The following MTNR1B variants were observed in gnomAD, a reference collection of about 807,000 sequenced individuals.
MTNR1B encodes melatonin receptor 1B.
A neutral mutation model predicts 7.0 loss-of-function variants in MTNR1B; 7 were observed. The ratio of observed to expected loss-of-function variants is 1.00; its 90% CI spans 0.57 to 1.88. The LOEUF (loss-of-function observed/expected upper bound fraction) is 1.88. Ranked by LOEUF, MTNR1B falls within the 40% of genes most tolerant of loss-of-function variation. The pLI, the probability that MTNR1B is intolerant of heterozygous loss-of-function variation, is 0.00. For missense variants in MTNR1B, 478 were observed against 486.5 expected (o/e 0.98, Z 0.16); for synonymous variants, 226 against 208.2 (o/e 1.09, Z -0.74).
intron 1 of MTNR1B, 56 bp from the exon 2 acceptor site, chr11:92,981,391 T>C: frequency 6.4e-7 from 1 of 1,560,420 alleles, no homozygotes; most frequent in Non-Finnish European, 8.7e-7. Flanking sequence ...TAGGATGTTC[T>C]ACAGAATCTA....
intron 1 of MTNR1B, among the ~76,000 whole-genome samples, chr11:92,980,084 C>A (rs984544003): frequency 1.6e-4 from 24 of 152,170 alleles, no homozygotes; most frequent in African/African-American, 5.6e-4. Context: ...CCCTCTAGAC[C>A]CCCAAAGCCA....
intron 1 of MTNR1B, among the ~76,000 whole-genome samples, chr11:92,974,399 T>C (rs1027389821): frequency 1.3e-5 from 2 of 152,236 alleles, no homozygotes; most frequent in Non-Finnish European, 2.9e-5. Context: ...TCCCCAGCCA[T>C]GTAGAACTGT....
intron 1 of MTNR1B, among the ~76,000 whole-genome samples, chr11:92,981,071 C>T (rs535400226): frequency 6.6e-5 from 10 of 152,230 alleles, no homozygotes; most frequent in Non-Finnish European, 1.0e-4. Context: ...TCTCCTCCTC[C>T]GAAATCTTTG....
chr11:92,977,953 G>C (rs1056871631), intron 1 of MTNR1B, among the ~76,000 whole-genome samples: 6 of 152,176 alleles, frequency 3.9e-5, no homozygotes, highest in Non-Finnish European at 5.9e-5. Flanking sequence ...TCTTCCCTAA[G>C]AGACCATAAA....
chr11:92,979,274 C>G (rs972100613), intron 1 of MTNR1B, among the ~76,000 whole-genome samples: 2 of 152,094 alleles, frequency 1.3e-5, no homozygotes, highest in Non-Finnish European at 2.9e-5. Context: ...TGAAGACAAG[C>G]AATGTGAGAG....
intron 1 of MTNR1B, among the ~76,000 whole-genome samples, chr11:92,980,554 C>A (rs1326174203): frequency 6.6e-6 from 1 of 152,156 alleles, no homozygotes; most frequent in Non-Finnish European, 1.5e-5. Context: ...TTAGAACATG[C>A]CTGAAGCATA....
intron 1 of MTNR1B, among the ~76,000 whole-genome samples, chr11:92,974,382 G>A (rs764775645): frequency 6.6e-6 from 1 of 152,184 alleles, no homozygotes; most frequent in South Asian, 2.1e-4. Flanking sequence ...ACCATGATTG[G>A]GAGGCTTCCC....
chr11:92,981,919 G>C lies in MTNR1B; in HGVS notation c.696G>C (p.Arg232Ser), dbSNP rs779551043. ...RIWVLVLQAR[R>S]KAKPESRLCL... ...GGGTGCTGGTGCTTCAGGCCCGCAG[G>C]AAAGCCAAGCCAGAGAGCAGGCTGT... The change falls in exon 2 of 2, where the codon AGG becomes AGC. Residue 232 changes from arginine to serine, a missense_variant. Coordinates refer to ENST00000257068, the MANE Select transcript of MTNR1B (RefSeq NM_005959.5). 8.1e-6 allele frequency: 13 copies of C among 1,614,106 alleles called. No homozygotes were observed. The highest frequency in any genetic ancestry group is 2.2e-5 in the East Asian group (1 of 44,890).
intron 1 of MTNR1B, among the ~76,000 whole-genome samples, chr11:92,971,395 CT>C (rs1400900813): frequency 2.0e-5 from 3 of 152,160 alleles, no homozygotes; most frequent in African/African-American, 2.4e-5. Flanking sequence ...TGGCTGTTTT[CT>C]GGAATACATT....
rs780963365 is a variant in MTNR1B, at chr11:92,969,684, G to A, written c.-42G>A. The stretch of plus-strand genomic sequence containing the variant: ...TACTGCGCGCGCCCTGCGGCTGTCC[G>A]GGGCCGCGCGGTGGCCAAAGCACAG... On this transcript the variant is annotated 5_prime_UTR_variant, in exon 1 of 2. Transcript: ENST00000257068. 2.9e-6 allele frequency: 4 copies of A among 1,395,732 alleles called. No homozygotes were observed. The highest frequency in any genetic ancestry group is 1.5e-5 in the African/African-American group (1 of 66,654). 86.5% of individuals were successfully genotyped at this position (1,395,732 alleles called of 1,614,324 possible). A position where few individuals can be genotyped will look rare whatever the true frequency, so the allele number is the denominator to read the frequency against.
intron 1 of MTNR1B, among the ~76,000 whole-genome samples, chr11:92,977,755 C>T (rs1022771806): frequency 1.3e-5 from 2 of 152,232 alleles, no homozygotes; most frequent in Non-Finnish European, 1.5e-5. Flanking sequence ...GGGGCCATGT[C>T]TTTCATCCAT....
downstream of MTNR1B, among the ~76,000 whole-genome samples, chr11:92,983,609 C>T (rs1227289430): frequency 6.6e-6 from 1 of 151,860 alleles, no homozygotes; most frequent in Non-Finnish European, 1.5e-5. Flanking sequence ...GAAAGGGCAG[C>T]TGCACCCCAA....
At position 92,975,346 on chromosome 11, in the gene MTNR1B, G is replaced by A. The variant is rs1424063539; in HGVS notation, c.223+5398G>A. Among the ~76,000 whole-genome samples, 5 of 152,288 alleles carry A rather than the reference G, an allele frequency of 3.3e-5. No individual in the cohort carries two copies. The East Asian group carries it at 9.7e-4, about 29-fold the overall frequency. The stretch of plus-strand genomic sequence containing the variant: ...AGGCTGTCTGGGAGGTTTAGTGAGT[G>A]CACGAATTGGCATTTCTGGGGTACG... On this transcript the variant is annotated intron_variant, in intron 1 of 1. Coordinates refer to ENST00000257068, the MANE Select transcript of MTNR1B (RefSeq NM_005959.5).
intron 1 of MTNR1B, among the ~76,000 whole-genome samples, chr11:92,977,141 G>A (rs998814415): frequency 1.1e-4 from 16 of 152,102 alleles, no homozygotes; most frequent in Non-Finnish European, 2.1e-4. Flanking sequence ...CTTCTTTTAA[G>A]TGGTTGAAAT....
chr11:92,972,898 T>C (rs1016422872), intron 1 of MTNR1B, among the ~76,000 whole-genome samples: 1 of 152,206 alleles, frequency 6.6e-6, no homozygotes, highest in Admixed American at 6.5e-5. Context: ...CAAAAGACTC[T>C]TTTCTTGACT....
Position 92,982,090 on chromosome 11 carries a change from A to G in MTNR1B, c.867A>G (p.Leu289=). 1 of 1,614,144 alleles carries G rather than the reference A, an allele frequency of 6.2e-7. No individual in the cohort carries two copies. Among genetic ancestry groups the G allele is most frequent in the Non-Finnish European group, 8.5e-7 (1 of 1,180,024 alleles). The change falls in exon 2 of 2, where the codon CTA becomes CTG. Residue 289 remains leucine, a synonymous_variant. Transcript: ENST00000257068. ...TGGCTCCCCAGATCCCTGAGGGGCTATTTGTCACTAGCTACTTACTGGCTT... is the reference window on the plus strand; with the variant it reads ...TGGCTCCCCAGATCCCTGAGGGGCTGTTTGTCACTAGCTACTTACTGGCTT... ...QEMAPQIPEG[L]FVTSYLLAYF...
downstream of MTNR1B, chr11:92,984,803 A>G (rs1273047208): frequency 1.6e-5 from 7 of 440,500 alleles, no homozygotes; most frequent in Admixed American, 1.6e-4. Flanking sequence ...TCTTGGATCC[A>G]TAGGTTTTTG....
Position 92,982,257 on chromosome 11 carries a change from T to G in MTNR1B, c.1034T>G (p.Leu345Arg). Residue 345 changes from leucine to arginine, a missense_variant, in exon 2 of 2, where the codon CTG (leucine) becomes CGG (arginine). By Grantham distance (102) the Leu-to-Arg change is moderately radical (BLOSUM62 -2). Transcript: ENST00000257068. ...DASKGSHAEG[L>R]QSPAPPIIGV... ...TCCAAGGGCAGCCACGCGGAGGGGC[T>G]GCAGAGCCCAGCTCCACCCATCATT... 2 of 1,614,170 alleles carry G rather than the reference T, an allele frequency of 1.2e-6. No individual in the cohort carries two copies. Among genetic ancestry groups the G allele is most frequent in the Non-Finnish European group, 1.7e-6 (2 of 1,180,014 alleles).
intron 1 of MTNR1B, among the ~76,000 whole-genome samples, chr11:92,975,693 C>T (rs1467056674): frequency 1.3e-5 from 2 of 152,172 alleles, no homozygotes; most frequent in Non-Finnish European, 2.9e-5. Flanking sequence ...ACTGAGACAG[C>T]AAATGATGCT....
Sources: gnomAD v4.1 joint callset for allele counts (sites outside exome capture counted in the v4.1 genomes callset) on GRCh38, gnomAD v4.1.1 for gene constraint, MANE v1.5 for transcripts, NCBI Gene and HGNC (gene_info 2026-07-23, HGNC 2026-07-21) for gene names.